Variants in KCP observed in about 807,000 individuals in gnomAD.
KCP encodes the protein kielin/chordin-like protein.
KCP carries 194 observed loss-of-function variants against 212.7 expected under a neutral mutation model. The ratio of observed to expected loss-of-function variants is 0.91; its 90% CI spans 0.81 to 1.03. KCP has a LOEUF of 1.03. Among genes scored for constraint, KCP ranks in the 50% least tolerant of loss-of-function variants. The pLI is 0.00. For missense variants in KCP, 2,080 were observed against 2,162.5 expected (o/e 0.96, Z 0.76); for synonymous variants, 833 against 865.3 (o/e 0.96, Z 0.65).
At chr7:128,886,070 C>T (rs1339326824) in intron 26 of KCP, among the ~76,000 whole-genome samples, 1 of 152,068 alleles carries the variant, frequency 6.6e-6, no homozygotes, top group Admixed American at 6.6e-5. Flanking sequence ...AGAGGGGCAG[C>T]TTTTTGTTTT....
Position 128,894,056 on chromosome 7 carries a change from C to T in KCP, c.926-1G>A. On this transcript the variant is annotated splice_acceptor_variant, in intron 9 of 39. Coordinates refer to ENST00000610776, the MANE Select transcript of KCP (RefSeq NM_001366122.1). LOFTEE classifies it high-confidence loss of function. ...TGCTCCCGCCCGTTTAGGAAACAGC[C>T]TGTTGGGAAGGGGGGCCTTAGATGT... is the stretch of plus-strand genomic sequence containing the variant. 2 of 1,549,264 alleles carry T rather than the reference C, an allele frequency of 1.3e-6. No individual in the cohort carries two copies. Among genetic ancestry groups the T allele is most frequent in the Non-Finnish European group, 1.7e-6 (2 of 1,145,954 alleles).
chr7:128,876,991 C>T lies in KCP; in HGVS notation c.*52G>A, dbSNP rs1483788304. ...AGCCCTAACCAGGGTGGGAACTGCT[C>T]GCCAAGGGGAGACTCCTGGCCTGAT... On this transcript the variant is annotated 3_prime_UTR_variant, in exon 40 of 40. Transcript: ENST00000610776. 9.2e-6 allele frequency: 14 copies of T among 1,522,114 alleles called. No individual in the cohort carries two copies. Among genetic ancestry groups the T allele is most frequent in the South Asian group, 1.3e-5 (1 of 79,290 alleles). The allele number at this position is 1,522,114 out of a possible 1,614,324, so 94.3% of individuals were successfully genotyped here.
chr7:128,906,258 T>C, intron 5 of KCP, 21 bp downstream of exon 5: 1 of 1,540,096 alleles, frequency 6.5e-7, no homozygotes, highest in Non-Finnish European at 8.8e-7. Flanking sequence ...GAGGTGGGGC[T>C]GAGACTGGCA....
rs1286233554 is a variant in KCP at position 128,904,102 on chromosome 7, AC to A, written c.607del (p.Val203SerfsTer16). 4 of 1,551,148 alleles carry A rather than the reference AC, an allele frequency of 2.6e-6. No individual in the cohort carries two copies. The highest frequency in any genetic ancestry group is 1.4e-5 in the African/African-American group (1 of 72,832). Reference protein sequence around the residue: ...DYEGQLYEEGVTFLSSSNPCL... With the variant: ...DYEGQLYEEGXTFLSSSNPCL... ...AGGGTTGGAGCTGGACAGGAAGGTGACCCCCTCCTCATAAAGCTGCCCCTCA... is the reference window on the plus strand; with the variant it reads ...AGGGTTGGAGCTGGACAGGAAGGTGACCCCTCCTCATAAAGCTGCCCCTCA... On this transcript the variant is annotated frameshift_variant, in exon 6 of 40. Coordinates refer to ENST00000610776, the MANE Select transcript of KCP (RefSeq NM_001366122.1). LOFTEE classifies it high-confidence loss of function.
In KCP at chr7:128,880,411, C is replaced by T. The variant is rs755611774; in HGVS notation, c.3734G>A (p.Arg1245His). The T allele has an allele frequency of 6.2e-5, 96 of 1,542,820 alleles. No individual in the cohort carries two copies. In the Middle Eastern group the frequency reaches 6.8e-4, roughly 11 times the overall value. Residue 1245 changes from arginine (R) to histidine (H), a missense_variant, in exon 34 of 40, where the codon CGC (arginine) becomes CAC (histidine). Transcript: ENST00000610776. ...MAGTVRCQSQ[R>H]CSPLSCGPDK... The stretch of plus-strand genomic sequence containing the variant: ...GGGGCCACACGAGAGCGGTGAGCAG[C>T]GCTGGCTCTGGCAACGCACGGTGCC...
chr7:128,906,005 T>C (rs1374310424), intron 5 of KCP, among the ~76,000 whole-genome samples: 1 of 152,182 alleles, frequency 6.6e-6, no homozygotes, highest in Non-Finnish European at 1.5e-5. Context: ...AATCTTGTGG[T>C]AGCTTGGCTA....
chr7:128,904,417 C>G (rs780171023), intron 5 of KCP: 2 of 1,415,728 alleles, frequency 1.4e-6, no homozygotes, highest in African/African-American at 1.4e-5. Context: ...TCCCTTCCCC[C>G]ACCATCCTCC....
In KCP at chr7:128,891,083, G is replaced by A. The variant is rs1007165025; in HGVS notation, c.1986C>T (p.Pro662=). 5.6e-6 allele frequency: 8 copies of A among 1,420,530 alleles called. 1 individual carries two copies. The highest frequency in any genetic ancestry group is 3.1e-5 in the Admixed American group (1 of 32,204). The allele number at this position is 1,420,530 out of a possible 1,614,324, so 88.0% of individuals were successfully genotyped here. Residue 662 remains proline (P), a synonymous_variant, in exon 20 of 40, where the codon CCC becomes CCT. Transcript: ENST00000610776. The part of the protein sequence containing the change: ...CCPQCPAAPA[P]AGCPRPGAAH... ...CCGCGCCGGGCCGTGGGCAGCCGGC[G>A]GGGGCTGGGGCGGCTGCGGCGAGAC... is the stretch of plus-strand genomic sequence containing the variant.
intron 1 of KCP, 114 bp downstream of exon 1, chr7:128,910,487 C>T (rs1185319859): frequency 2.0e-6 from 2 of 1,022,094 alleles, no homozygotes; most frequent in Non-Finnish European, 2.7e-6. Context: ...GCGCGCGAAC[C>T]TCAGGCAGGG....
chr7:128,903,072 CCGT>C, intron 7 of KCP: 1 of 594,802 alleles, frequency 1.7e-6, no homozygotes, highest in Middle Eastern at 4.5e-4. Context: ...TTCTGGTCTT[CCGT>C]GGACAGAGCA....
At position 128,893,907 on chromosome 7, in the gene KCP, C is replaced by T; in HGVS notation, c.1006-8G>A. 7 of 1,551,124 alleles carry T rather than the reference C, an allele frequency of 4.5e-6. No individual in the cohort carries two copies. Among genetic ancestry groups the T allele is most frequent in the Non-Finnish European group, 6.1e-6 (7 of 1,146,924 alleles). ...ACACTGGACACTCCCATTCTGCCAA[C>T]AGGGCCTGGTCAGCACGCCAGAGGC... On this transcript the variant is annotated splice_region_variant and splice_polypyrimidine_tract_variant and intron_variant, in intron 10 of 39. Coordinates refer to ENST00000610776, the MANE Select transcript of KCP (RefSeq NM_001366122.1).
At position 128,889,180 on chromosome 7, in the gene KCP, C is replaced by T. The variant is rs368037135; in HGVS notation, c.2336-141G>A. On this transcript the variant is annotated intron_variant, in intron 21 of 39. Transcript: ENST00000610776. ...GGGGGCTGGGGGGTCACAGGCCAAG[C>T]CCAGGGGGCAAAGCAGTCGTGAGGG... The T allele has an allele frequency of 1.4e-4, 74 of 518,588 alleles. No individual in the cohort carries two copies. The East Asian group carries it at 2.1e-3, about 15-fold the overall frequency. The allele number at this position is 518,588 out of a possible 1,614,324, so 32.1% of individuals were successfully genotyped here.
intron 37 of KCP, chr7:128,878,992 G>A: frequency 2.1e-6 from 1 of 479,196 alleles, no homozygotes. Context: ...TCCCTGCACT[G>A]GGCCCCAGGT....
rs796188705 is a variant in KCP at position 128,907,385 on chromosome 7, G to C, written c.288C>G (p.Cys96Trp). The change falls in exon 3 of 40, where the codon TGC (cysteine) becomes TGG (tryptophan). Residue 96 changes from cysteine to tryptophan, a missense_variant. Coordinates refer to ENST00000610776, the MANE Select transcript of KCP (RefSeq NM_001366122.1). ...CGGGCCAGGCACGCCCCAGCCCCCA[G>C]CACTGGGGAGATGCAGGGTGGCACT... is the stretch of plus-strand genomic sequence containing the variant. ...SCECHPASPQ[C>W]WGLGRAWPEG... 9 of 1,535,038 alleles carry C rather than the reference G, an allele frequency of 5.9e-6. No homozygotes were observed. In the Admixed American group the frequency reaches 1.6e-4, roughly 27 times the overall value.
chr7:128,892,611 C>CGA lies in KCP; in HGVS notation c.1528-6_1528-5dup. 1 of 1,550,804 alleles carries CGA rather than the reference C, an allele frequency of 6.4e-7. No homozygotes were observed. Among genetic ancestry groups the CGA allele is most frequent in the African/African-American group, 1.4e-5 (1 of 73,130 alleles). On this transcript the variant is annotated splice_region_variant and splice_polypyrimidine_tract_variant and intron_variant, in intron 15 of 39. Coordinates refer to ENST00000610776, the MANE Select transcript of KCP (RefSeq NM_001366122.1). ...AGGAGCATGTCACAGTTCCATCCTG[C>CGA]GAGAGAGCAGGGGAGAGAGCAATCG...
At position 128,880,526 on chromosome 7, in the gene KCP, G is replaced by C. The variant is rs1412243560; in HGVS notation, c.3619C>G (p.Pro1207Ala). The change falls in exon 34 of 40, where the codon CCC becomes GCC. Residue 1207 changes from proline to alanine, a missense_variant and splice_region_variant. Pro to Ala is a conservative substitution (Grantham distance 27). Coordinates refer to ENST00000610776, the MANE Select transcript of KCP (RefSeq NM_001366122.1). Reference sequence around the variant, plus strand: ...CCCTGGTGCACGCAGGACTGGGTGGGAGCTGAAGGGATAGGAGCTGGGAGG... The same window carrying C: ...CCCTGGTGCACGCAGGACTGGGTGGCAGCTGAAGGGATAGGAGCTGGGAGG... ...ADSCCERCQA[P>A]TQSCVHQGRE... 1 of 1,480,140 alleles carries C rather than the reference G, an allele frequency of 6.8e-7. No individual in the cohort carries two copies. Among genetic ancestry groups the C allele is most frequent in the Non-Finnish European group, 9.0e-7 (1 of 1,105,322 alleles). 91.7% of individuals were successfully genotyped at this position (1,480,140 alleles called of 1,614,324 possible).
In KCP at chr7:128,886,618, C is replaced by T. The variant is rs1793662811; in HGVS notation, c.2772+37G>A. ...GGCTGGGGCCCAGAGGTGCTATGGT[C>T]CAGCTGTCACTCCACACCCCCCACC... On this transcript the variant is annotated intron_variant, in intron 25 of 39. Transcript: ENST00000610776. 7 of 1,550,934 alleles carry T rather than the reference C, an allele frequency of 4.5e-6. No individual in the cohort carries two copies. In the South Asian group the frequency reaches 7.1e-5, roughly 16 times the overall value.
At chr7:128,893,149 C>T (rs753723256) in intron 13 of KCP, 89 bp downstream of exon 13, 62 of 1,344,538 alleles carry the variant, frequency 4.6e-5, no homozygotes, top group Non-Finnish European at 6.1e-5. Context: ...ACTTAGCAAC[C>T]CGTACCCCGT....
chr7:128,890,463 G>A lies in KCP; in HGVS notation c.2215C>T (p.Pro739Ser), dbSNP rs1794024368. ...AGGCAGAGGTGGCAGGCAGCAGTGG[G>A]CGATGGGAAGCGCTCCCCGCTGGCA... ...EFASGERFPS[P>S]TAACHLCLCW... The change falls in exon 21 of 40, where the codon CCC becomes TCC. Residue 739 changes from proline (P) to serine (S), a missense_variant. Transcript: ENST00000610776. 1.9e-6 allele frequency: 3 copies of A among 1,550,892 alleles called. No homozygotes were observed. Among genetic ancestry groups the A allele is most frequent in the Non-Finnish European group, 2.6e-6 (3 of 1,146,962 alleles).
Sources: allele counts gnomAD v4.1 joint callset (sites outside exome capture counted in the v4.1 genomes callset), GRCh38; gene constraint gnomAD v4.1.1; transcripts MANE v1.5; gene names NCBI Gene and HGNC (gene_info 2026-07-23, HGNC 2026-07-21).